SV2B: variants seen among roughly 807,000 people sequenced by gnomAD.
The protein encoded by SV2B is solute carrier family 22 member B2.
Under a neutral mutation model 73.9 loss-of-function variants are expected in SV2B, and 41 were observed. That is an observed-to-expected ratio of 0.56 (90% CI 0.43 to 0.72). The LOEUF is 0.72. Ranked by LOEUF, SV2B falls within the 30% of genes least tolerant of loss-of-function variation. The pLI, the probability that SV2B is intolerant of heterozygous loss-of-function variation, is 0.00. For synonymous variants in SV2B, 314 were observed against 314.2 expected (o/e 1.00, Z 0.01); for missense variants, 764 against 857.8 (o/e 0.89, Z 1.37).
rs1052020621 is a variant in SV2B at position 91,136,728 on chromosome 15, C to T, written c.-392+36365C>T. Among the ~76,000 whole-genome samples the T allele has an allele frequency of 2.0e-5, 3 of 152,080 alleles. No individual in the cohort carries two copies. The highest frequency in any genetic ancestry group is 2.0e-4 in the Admixed American group (3 of 15,272). ...AGCGGGAATGGGGTGGCTTCCTTCC[C>T]TCAGGGAGGAGGGGGTGGTGACAGC... is the stretch of plus-strand genomic sequence containing the variant. On this transcript the variant is annotated intron_variant, in intron 1 of 12. Coordinates refer to ENST00000394232, the MANE Select transcript of SV2B (RefSeq NM_001323032.3). The surrounding 1 kb of genome is among the most constrained non-coding windows in gnomAD (Gnocchi z 5.6).
At position 91,128,211 on chromosome 15, in the gene SV2B, G is replaced by C. The variant is rs1349533431; in HGVS notation, c.-392+27848G>C. 6.6e-6 allele frequency among the ~76,000 whole-genome samples: 1 copy of C among 152,196 alleles called. No individual in the cohort carries two copies. The highest frequency in any genetic ancestry group is 1.5e-5 in the Non-Finnish European group (1 of 68,032). ...AGATTTTCAGTCCCTCCTGGGAGCT[G>C]TTTTCACCCTCTTCCACCAGTGAGT... is the stretch of plus-strand genomic sequence containing the variant. On this transcript the variant is annotated intron_variant, in intron 1 of 12. Coordinates refer to ENST00000394232, the MANE Select transcript of SV2B (RefSeq NM_001323032.3). The surrounding 1 kb of genome is among the most constrained non-coding windows in gnomAD (Gnocchi z 4.2).
rs1233408901 is a variant in SV2B at position 91,281,196 on chromosome 15, C to G, written c.1374-532C>G. ...GTATTCCTAGGTCAAAGAGAACGTG[C>G]ATTTCAAATTTTGCAAAATTGCTCC... is the stretch of plus-strand genomic sequence containing the variant. On this transcript the variant is annotated intron_variant, in intron 9 of 12. Coordinates refer to ENST00000394232, the MANE Select transcript of SV2B (RefSeq NM_001323032.3). This position sits in a 1 kb window ranked among gnomAD's most constrained non-coding sequence, Gnocchi z 4.7. 6.6e-6 allele frequency among the ~76,000 whole-genome samples: 1 copy of G among 152,170 alleles called. No individual in the cohort carries two copies. Among genetic ancestry groups the G allele is most frequent in the South Asian group, 2.1e-4 (1 of 4,828 alleles).
At chr15:91,213,355 T>C (rs2045928597) in intron 1 of SV2B, among the ~76,000 whole-genome samples, 2 of 152,102 alleles carry the variant, frequency 1.3e-5, no homozygotes, top group Non-Finnish European at 2.9e-5. Flanking sequence ...CAGAGGCAGT[T>C]TGGTATAGCA....
upstream of SV2B, among the ~76,000 whole-genome samples, chr15:91,099,711 G>A (rs535960015): frequency 5.3e-5 from 8 of 152,328 alleles, no homozygotes. Context: ...TTCAGTTCCT[G>A]ATGAGGCAAA....
Position 91,241,677 on chromosome 15 carries a change from G to A in SV2B, c.452-10142G>A, listed in dbSNP as rs948048580. ...TCCTCGCTGCCTCTGTGCTGACCCCGTATTCTTGTGACAGTGGAGGAGGTG... is the reference window on the plus strand; with the variant it reads ...TCCTCGCTGCCTCTGTGCTGACCCCATATTCTTGTGACAGTGGAGGAGGTG... On this transcript the variant is annotated intron_variant, in intron 2 of 12. Coordinates refer to ENST00000394232, the MANE Select transcript of SV2B (RefSeq NM_001323032.3). This position sits in a 1 kb window ranked among gnomAD's most constrained non-coding sequence, Gnocchi z 4.8. 2.0e-5 allele frequency among the ~76,000 whole-genome samples: 3 copies of A among 152,048 alleles called. No homozygotes were observed. Among genetic ancestry groups the A allele is most frequent in the African/African-American group, 7.2e-5 (3 of 41,384 alleles).
At chr15:91,187,654 T>A (rs114793076) in intron 1 of SV2B, among the ~76,000 whole-genome samples, 3 of 135,166 alleles carry the variant, frequency 2.2e-5, no homozygotes, top group Non-Finnish European at 4.8e-5. Context: ...TTCAATTTTA[T>A]GTTTTGTTTT....
At chr15:91,154,369 G>T (rs2043415340) in intron 1 of SV2B, among the ~76,000 whole-genome samples, 1 of 152,084 alleles carries the variant, frequency 6.6e-6, no homozygotes, top group South Asian at 2.1e-4. Flanking sequence ...TGGTTGGCCA[G>T]GAAGGCTTAG....
At position 91,300,522 on chromosome 15, in the gene SV2B, G is replaced by T. The variant is rs1325389734; in HGVS notation, c.*7970G>T. The T allele has an allele frequency of 6.6e-6, 1 of 152,140 alleles. No homozygotes were observed. Among genetic ancestry groups the T allele is most frequent in the Non-Finnish European group, 1.5e-5 (1 of 68,036 alleles). 9.4% of individuals were successfully genotyped at this position (152,140 alleles called of 1,614,324 possible). ...TTGGAAAGTTCAAATTAATCTTTGG[G>T]CTCCAAAGAGCAATTCTGAAGGATT... On this transcript the variant is annotated 3_prime_UTR_variant, in exon 13 of 13. Coordinates refer to ENST00000394232, the MANE Select transcript of SV2B (RefSeq NM_001323032.3).
At chr15:91,168,080 A>G (rs1047847699) in intron 1 of SV2B, among the ~76,000 whole-genome samples, 6 of 151,924 alleles carry the variant, frequency 3.9e-5, no homozygotes, top group Non-Finnish European at 2.9e-5. Flanking sequence ...TACTGCTTTG[A>G]GTTGATTCTG....
chr15:91,107,591 G>A (rs1483511693), intron 1 of SV2B, among the ~76,000 whole-genome samples: 2 of 151,406 alleles, frequency 1.3e-5, no homozygotes, highest in Non-Finnish European at 2.9e-5. Flanking sequence ...GATTACAGGC[G>A]TGAGCCACCG....
At chr15:91,262,828 C>T (rs914497771) in intron 6 of SV2B, among the ~76,000 whole-genome samples, 2 of 152,196 alleles carry the variant, frequency 1.3e-5, no homozygotes, top group African/African-American at 4.8e-5. Flanking sequence ...CTGTAGTGCT[C>T]CCGCTGTGCT....
intron 9 of SV2B, among the ~76,000 whole-genome samples, chr15:91,276,896 A>C: frequency 7.7e-6 from 1 of 129,912 alleles, no homozygotes; most frequent in Admixed American, 7.2e-5. Context: ...ATCTCAGCTC[A>C]CCGCAATCTC....
At chr15:91,282,161 A>G (rs1216760113) in intron 10 of SV2B, among the ~76,000 whole-genome samples, 2 of 152,242 alleles carry the variant, frequency 1.3e-5, no homozygotes, top group Non-Finnish European at 2.9e-5. Context: ...GGTCTTTGGT[A>G]TGAACAAAGG....
In SV2B at chr15:91,124,388, A is replaced by G. The variant is rs897802803; in HGVS notation, c.-392+24025A>G. Among the ~76,000 whole-genome samples the G allele has an allele frequency of 1.3e-5, 2 of 152,124 alleles. No homozygotes were observed. Among genetic ancestry groups the G allele is most frequent in the Non-Finnish European group, 2.9e-5 (2 of 68,018 alleles). ...GGCACCTCCTTCCTCAGGAAGTGAG[A>G]CACCTGCAACCGAGTGTGAGGTGCA... On this transcript the variant is annotated intron_variant, in intron 1 of 12. Coordinates refer to ENST00000394232, the MANE Select transcript of SV2B (RefSeq NM_001323032.3). The surrounding 1 kb of genome is among the most constrained non-coding windows in gnomAD (Gnocchi z 4.6).
chr15:91,107,637 TCTCA>T (rs896982506), intron 1 of SV2B, among the ~76,000 whole-genome samples: 2 of 149,776 alleles, frequency 1.3e-5, no homozygotes, highest in Admixed American at 6.6e-5. Context: ...TGAGACAGGG[TCTCA>T]CTCTGTCAAC....
rs1375426594 is a variant in SV2B at position 91,128,858 on chromosome 15, C to A, written c.-392+28495C>A. 1 of 152,242 alleles carries A rather than the reference C, an allele frequency of 6.6e-6. No individual in the cohort carries two copies. Among genetic ancestry groups the A allele is most frequent in the Non-Finnish European group, 1.5e-5 (1 of 68,060 alleles). The allele number at this position is 152,242 out of a possible 1,614,324, so 9.4% of individuals were successfully genotyped here. ...CTTAGTCATGAGCACTAGATCCTAT[C>A]CTTTTTGTCCAATCATATTTCTCCA... On this transcript the variant is annotated intron_variant, in intron 1 of 12. Coordinates refer to ENST00000394232, the MANE Select transcript of SV2B (RefSeq NM_001323032.3). The surrounding 1 kb of genome is among the most constrained non-coding windows in gnomAD (Gnocchi z 4.2).
intron 1 of SV2B, among the ~76,000 whole-genome samples, chr15:91,180,939 A>G (rs1441300028): frequency 2.0e-5 from 3 of 152,186 alleles, no homozygotes; most frequent in African/African-American, 4.8e-5. Flanking sequence ...CTGGTGAGGA[A>G]CTGCGTTCCT....
intron 1 of SV2B, among the ~76,000 whole-genome samples, chr15:91,206,203 T>C (rs1304912950): frequency 7.3e-6 from 1 of 136,398 alleles, no homozygotes; most frequent in East Asian, 2.5e-4. Flanking sequence ...ATGCCTGGCT[T>C]TTTTTTTTTT....
intron 1 of SV2B, among the ~76,000 whole-genome samples, chr15:91,200,088 C>T (rs768194601): frequency 6.6e-6 from 1 of 152,214 alleles, no homozygotes; most frequent in South Asian, 2.1e-4. Flanking sequence ...ATCCCACATA[C>T]ATTCAAGCCT....
Sources: gnomAD v4.1 joint callset for allele counts (sites outside exome capture counted in the v4.1 genomes callset) on GRCh38, gnomAD v4.1.1 for gene constraint, Gnocchi (gnomAD v3.1) non-coding constraint, MANE v1.5 for transcripts, NCBI Gene and HGNC (gene_info 2026-07-23, HGNC 2026-07-21) for gene names.